Variants in GGCX observed in about 807,000 individuals in gnomAD.
The protein encoded by GGCX is vitamin K-dependent gamma-carboxylase.
Under a neutral mutation model 88.5 loss-of-function variants are expected in GGCX, and 63 were observed. That is an observed-to-expected ratio of 0.71 (90% CI 0.58 to 0.88). GGCX has a LOEUF of 0.88. GGCX is among the 40% of genes least tolerant of loss of function. The pLI, the probability that GGCX is intolerant of heterozygous loss-of-function variation, is 0.00. For synonymous variants in GGCX, 368 were observed against 365.8 expected (o/e 1.01, Z -0.07); for missense variants, 805 against 932.9 (o/e 0.86, Z 1.79).
chr2:85,558,367 C>T, intron 4 of GGCX, 73 bp downstream of exon 4: 2 of 1,257,804 alleles, frequency 1.6e-6, no homozygotes, highest in Non-Finnish European at 2.3e-6. Flanking sequence ...ATTCCAGAAC[C>T]TCACTGGGCC....
chr2:85,553,199 G>A (rs781112784), intron 8 of GGCX, 33 bp downstream of exon 8: 1 of 1,613,744 alleles, frequency 6.2e-7, no homozygotes, highest in South Asian at 1.1e-5. Flanking sequence ...TCTAAGTCCA[G>A]CCTTTGCTGT....
chr2:85,553,897 G>T lies in GGCX; in HGVS notation c.889+246C>A, dbSNP rs140596554. The stretch of plus-strand genomic sequence containing the variant: ...ATTACAAACCTGAGCCACCAAGCCC[G>T]GCCACAAAGTAGTTCTTAACTGTAA... On this transcript the variant is annotated intron_variant, in intron 7 of 14. Transcript: ENST00000233838. The T allele has an allele frequency of 9.0e-5, 48 of 533,824 alleles. No homozygotes were observed. In the East Asian group the frequency reaches 1.6e-3, roughly 18 times the overall value. The allele number at this position is 533,824 out of a possible 1,614,324, so 33.1% of individuals were successfully genotyped here. A position where few individuals can be genotyped will look rare whatever the true frequency, so the allele number is the denominator to read the frequency against.
rs541901929 is a variant in GGCX, at chr2:85,547,815, CTGCT to C, written c.*2115_*2118del. 2 of 152,360 alleles carry C rather than the reference CTGCT, an allele frequency of 1.3e-5. No homozygotes were observed. The highest frequency in any genetic ancestry group is 4.8e-5 in the African/African-American group (2 of 41,562). 9.4% of individuals were successfully genotyped at this position (152,360 alleles called of 1,614,324 possible). On this transcript the variant is annotated 3_prime_UTR_variant, in exon 15 of 15. Transcript: ENST00000233838. The stretch of plus-strand genomic sequence containing the variant: ...CTCAGTGGTGGGGGAGGGTGGCAAT[CTGCT>C]TGACAACTAACATGTCGGCCCTGTC...
intron 1 of GGCX, 87 bp from the exon 2 acceptor site, chr2:85,561,072 T>G: frequency 1.7e-6 from 2 of 1,188,096 alleles, no homozygotes; most frequent in Non-Finnish European, 2.5e-6. Context: ...GCTCAGAGCT[T>G]CCGCCCACCC....
At chr2:85,551,209 G>A (rs1691934998) in intron 12 of GGCX, 137 bp from the exon 13 acceptor site, 1 of 896,752 alleles carries the variant, frequency 1.1e-6, no homozygotes, top group South Asian at 1.4e-5. Flanking sequence ...TAGAATCCTG[G>A]ATGAGGCTCT....
intron 4 of GGCX, among the ~76,000 whole-genome samples, chr2:85,556,962 CTTT>C (rs1245686227): frequency 6.6e-6 from 1 of 152,186 alleles, no homozygotes; most frequent in Non-Finnish European, 1.5e-5. Flanking sequence ...TACTTAGCTT[CTTT>C]ATCTTTAAAA....
chr2:85,551,183 G>A, intron 12 of GGCX, 111 bp from the exon 13 acceptor site: 1 of 1,079,928 alleles, frequency 9.3e-7, no homozygotes, highest in Non-Finnish European at 1.4e-6. Flanking sequence ...TTTTGGAATC[G>A]AAAGTAACGG....
intron 5 of GGCX, 64 bp from the exon 6 acceptor site, chr2:85,555,654 A>G (rs1004281868): frequency 4.4e-6 from 4 of 907,060 alleles, no homozygotes; most frequent in Non-Finnish European, 5.5e-6. Flanking sequence ...AGGCAAGAAT[A>G]AAATAAGGAG....
Position 85,551,564 on chromosome 2 carries a change from G to T in GGCX, c.1656C>A (p.Ser552Arg). 6.2e-7 allele frequency: 1 copy of T among 1,613,784 alleles called. No homozygotes were observed. Among genetic ancestry groups the T allele is most frequent in the Non-Finnish European group, 8.5e-7 (1 of 1,179,788 alleles). ...NFVSEDLGNT[S>R]IQLLQGEVTV... ...TCACTTCCCCCTGCAGCAGCTGGAT[G>T]CTAGTGTTGCCCAGGTCTTCACTCA... The change falls in exon 12 of 15, where the codon AGC (serine) becomes AGA (arginine). Residue 552 changes from serine to arginine, a missense_variant. Physicochemically the swap from Ser to Arg is moderately radical, Grantham distance 110. Transcript: ENST00000233838.
rs1691896101 is a variant in GGCX, at chr2:85,550,615, G to A, written c.2024C>T (p.Thr675Ile). ...RLQEIERRRN[T>I]PFHERFFRFL... ...GCGGAAGAATCGCTCATGGAAAGGA[G>A]TATTTCGCCGGCGTTCAATCTCCTG... The change falls in exon 14 of 15, where the codon ACT becomes ATT. Residue 675 changes from threonine (T) to isoleucine (I), a missense_variant. Transcript: ENST00000233838. The A allele has an allele frequency of 6.2e-7, 1 of 1,613,924 alleles. No homozygotes were observed. Among genetic ancestry groups the A allele is most frequent in the African/African-American group, 1.3e-5 (1 of 74,932 alleles).
At chr2:85,560,742 C>CA in intron 2 of GGCX, 73 bp downstream of exon 2, 1 of 1,236,294 alleles carries the variant, frequency 8.1e-7, no homozygotes, top group Non-Finnish European at 1.2e-6. Context: ...GCTAAGTCTA[C>CA]TTGCAACCAA....
At position 85,558,993 on chromosome 2, in the gene GGCX, G is replaced by A. The variant is rs1378986733; in HGVS notation, c.297C>T (p.Cys99=). ...DRKYLDGLDV[C]RFPLLDALRP... Reference sequence around the variant, plus strand: ...GTAGGGCATCCAGCAAGGGGAAGCGGCACACATCCAGCCCATCAAGGTATT... The same window carrying A: ...GTAGGGCATCCAGCAAGGGGAAGCGACACACATCCAGCCCATCAAGGTATT... The change falls in exon 3 of 15, where the codon TGC becomes TGT. Residue 99 remains cysteine, a synonymous_variant. Coordinates refer to ENST00000233838, the MANE Select transcript of GGCX (RefSeq NM_000821.7). 1 of 1,613,148 alleles carries A rather than the reference G, an allele frequency of 6.2e-7. No homozygotes were observed. The highest frequency in any genetic ancestry group is 1.3e-5 in the African/African-American group (1 of 74,890).
At position 85,549,842 on chromosome 2, in the gene GGCX, ACTTTTG is replaced by A; in HGVS notation, c.*86_*91del. On this transcript the variant is annotated 3_prime_UTR_variant, in exon 15 of 15. Coordinates refer to ENST00000233838, the MANE Select transcript of GGCX (RefSeq NM_000821.7). ...CCGCCCCCCCAAAAAAAAAAAAAAA[ACTTTTG>A]AGAATTTTTTTCAAATAAATGTCCA... 50 of 705,870 alleles carry A rather than the reference ACTTTTG, an allele frequency of 7.1e-5. No individual in the cohort carries two copies. The highest frequency in any genetic ancestry group is 3.3e-4 in the Middle Eastern group (1 of 3,060). 43.7% of individuals were successfully genotyped at this position (705,870 alleles called of 1,614,324 possible). A position where few individuals can be genotyped will look rare whatever the true frequency, so the allele number is the denominator to read the frequency against.
chr2:85,550,162 C>G, intron 14 of GGCX, 36 bp from the exon 15 acceptor site: 2 of 1,494,914 alleles, frequency 1.3e-6, no homozygotes, highest in Non-Finnish European at 1.9e-6. Context: ...AGTTCAAACT[C>G]CTGTTTCACC....
intron 4 of GGCX, among the ~76,000 whole-genome samples, chr2:85,557,267 T>C (rs1396902392): frequency 1.3e-5 from 2 of 152,180 alleles, no homozygotes; most frequent in Non-Finnish European, 2.9e-5. Flanking sequence ...ATGCATAAAG[T>C]CATAAAAATG....
At chr2:85,561,228 A>T (rs1692440436) in intron 1 of GGCX, among the ~76,000 whole-genome samples, 158 bp downstream of exon 1, 1 of 152,200 alleles carries the variant, frequency 6.6e-6, no homozygotes, top group Non-Finnish European at 1.5e-5. Flanking sequence ...ATCATCATTC[A>T]GAAGCCGCAG....
intron 12 of GGCX, 152 bp downstream of exon 12, chr2:85,551,328 G>T: frequency 1.2e-6 from 1 of 843,312 alleles, no homozygotes; most frequent in Non-Finnish European, 2.0e-6. Context: ...TTCTGCCATT[G>T]TTTTTTAAAT....
In GGCX at chr2:85,561,004, G is replaced by A; in HGVS notation, c.44-19C>T. On this transcript the variant is annotated intron_variant, in intron 1 of 14. Transcript: ENST00000233838. Reference sequence around the variant, plus strand: ...ACTTTATCTGCAATCAATAAATGGAGAAAATATGTGTGCGGGGGTGGGCTC... The same window carrying A: ...ACTTTATCTGCAATCAATAAATGGAAAAAATATGTGTGCGGGGGTGGGCTC... 3 of 1,600,938 alleles carry A rather than the reference G, an allele frequency of 1.9e-6. No homozygotes were observed. The highest frequency in any genetic ancestry group is 1.7e-6 in the Non-Finnish European group (2 of 1,168,058).
At position 85,548,575 on chromosome 2, in the gene GGCX, G is replaced by GA. The variant is rs1691781537; in HGVS notation, c.*1358dup. 1 of 152,202 alleles carries GA rather than the reference G, an allele frequency of 6.6e-6. No individual in the cohort carries two copies. The highest frequency in any genetic ancestry group is 6.5e-5 in the Admixed American group (1 of 15,282). 9.4% of individuals were successfully genotyped at this position (152,202 alleles called of 1,614,324 possible). On this transcript the variant is annotated 3_prime_UTR_variant, in exon 15 of 15. Coordinates refer to ENST00000233838, the MANE Select transcript of GGCX (RefSeq NM_000821.7). ...GAACACTGTCCAAGGAGGAGTGGGG[G>GA]AGAGTATGGGAAGAGAAGCCTGCAA...
Sources: allele counts gnomAD v4.1 joint callset (sites outside exome capture counted in the v4.1 genomes callset), GRCh38; gene constraint gnomAD v4.1.1; transcripts MANE v1.5; gene names NCBI Gene and HGNC (gene_info 2026-07-23, HGNC 2026-07-21).